Variants in SPRYD4 observed in about 807,000 individuals in gnomAD.
The protein encoded by SPRYD4 is SPRY domain containing 4.
SPRYD4 carries 12 observed loss-of-function variants against 16.6 expected under a neutral mutation model. The ratio of observed to expected loss-of-function variants is 0.72; its 90% CI spans 0.46 to 1.17. The LOEUF (loss-of-function observed/expected upper bound fraction) is 1.17. Among genes scored for constraint, SPRYD4 ranks in the 50% most tolerant of loss-of-function variants. SPRYD4 has a pLI of 0.00. For synonymous variants in SPRYD4, 98 were observed against 105.4 expected, an observed-to-expected ratio of 0.93 and a Z score of 0.43; for missense variants, 260 against 260.2, an observed-to-expected ratio of 1.00 and a Z score of 0.00.
Position 56,468,826 on chromosome 12 carries a change from G to C in SPRYD4, c.85+150G>C, listed in dbSNP as rs528742747. 31 of 1,051,236 alleles carry C rather than the reference G, an allele frequency of 2.9e-5. 1 individual carries two copies. In the South Asian group the frequency reaches 4.8e-4, roughly 16 times the overall value. 65.1% of individuals were successfully genotyped at this position (1,051,236 alleles called of 1,614,324 possible). On this transcript the variant is annotated intron_variant, in intron 1 of 1. Transcript: ENST00000338146. ...AGATTCCAAACCTGTGATACCATTT[G>C]GTTTCTTTAAATTCCGGGACTTACT...
chr12:56,475,925 T>C lies in SPRYD4; in HGVS notation c.*6348T>C, dbSNP rs368359918. On this transcript the variant is annotated 3_prime_UTR_variant, in exon 2 of 2. Coordinates refer to ENST00000338146, the MANE Select transcript of SPRYD4 (RefSeq NM_207344.4). ...GCCATGGCGAAATGCAGCCAGGGGC[T>C]AAGTAGCAAGGGAACTTACAAAATC... 1.5e-4 allele frequency: 237 copies of C among 1,613,760 alleles called. 1 individual carries two copies. In the African/African-American group the frequency reaches 2.7e-3, roughly 18 times the overall value.
Position 56,478,876 on chromosome 12 carries a change from C to T in SPRYD4, c.*9299C>T, listed in dbSNP as rs182475303. The T allele has an allele frequency of 3.5e-4, 251 of 712,980 alleles. 1 individual carries two copies. In the African/African-American group the frequency reaches 4.0e-3, roughly 11 times the overall value. The allele number at this position is 712,980 out of a possible 1,614,324, so 44.2% of individuals were successfully genotyped here. A position where few individuals can be genotyped will look rare whatever the true frequency, so the allele number is the denominator to read the frequency against. On this transcript the variant is annotated 3_prime_UTR_variant, in exon 2 of 2. Coordinates refer to ENST00000338146, the MANE Select transcript of SPRYD4 (RefSeq NM_207344.4). ...GGCATGGTGGTGTATGCCAGCTACT[C>T]GGGAGGCTGAGACAGGAGAATCGCT...
In SPRYD4 at chr12:56,471,357, C is replaced by T. The variant is rs1869241620; in HGVS notation, c.*1780C>T. ...TTTGACTCCCATAGAAAGCACTAGC[C>T]TAAGTCACCAAATGACTGCTTGGTC... On this transcript the variant is annotated 3_prime_UTR_variant, in exon 2 of 2. Transcript: ENST00000338146. The T allele has an allele frequency of 1.9e-5, 19 of 1,009,776 alleles. No homozygotes were observed. The Middle Eastern group carries it at 9.8e-4, about 52-fold the overall frequency. The allele number at this position is 1,009,776 out of a possible 1,614,324, so 62.6% of individuals were successfully genotyped here. A position where few individuals can be genotyped will look rare whatever the true frequency, so the allele number is the denominator to read the frequency against.
Position 56,475,499 on chromosome 12 carries a change from G to A in SPRYD4, c.*5922G>A. On this transcript the variant is annotated 3_prime_UTR_variant, in exon 2 of 2. Coordinates refer to ENST00000338146, the MANE Select transcript of SPRYD4 (RefSeq NM_207344.4). The stretch of plus-strand genomic sequence containing the variant: ...ATGAAGGGACTCAGAGGAAGCTGGA[G>A]GGCCAAAGTTCCCCTGGGATTTCTT... 4.1e-6 allele frequency: 4 copies of A among 970,316 alleles called. No homozygotes were observed. Among genetic ancestry groups the A allele is most frequent in the Admixed American group, 4.9e-5 (2 of 41,020 alleles). The allele number at this position is 970,316 out of a possible 1,614,324, so 60.1% of individuals were successfully genotyped here.
At position 56,469,037 on chromosome 12, in the gene SPRYD4, AG is replaced by A; in HGVS notation, c.86del. The A allele has an allele frequency of 6.4e-7, 1 of 1,555,872 alleles. No homozygotes were observed. On this transcript the variant is annotated splice_acceptor_variant, in intron 1 of 1. Transcript: ENST00000338146. LOFTEE classifies it high-confidence loss of function. Reference sequence around the variant, plus strand: ...TATCCCGTCTTTTTGCTCTGCCCGCAGGCGTCAGTTTCAAACTGGAAGAAAA... The same window carrying A: ...TATCCCGTCTTTTTGCTCTGCCCGCAGCGTCAGTTTCAAACTGGAAGAAAA...
chr12:56,474,609 G>A lies in SPRYD4; in HGVS notation c.*5032G>A, dbSNP rs1267174068. The A allele has an allele frequency of 5.0e-6, 8 of 1,614,046 alleles. No individual in the cohort carries two copies. The highest frequency in any genetic ancestry group is 1.7e-5 in the Admixed American group (1 of 60,002). ...GAATGCATGAGGCTGAGGGTGTTGC[G>A]CACTGCTTCAGCACTCAGCACACTC... On this transcript the variant is annotated 3_prime_UTR_variant, in exon 2 of 2. Coordinates refer to ENST00000338146, the MANE Select transcript of SPRYD4 (RefSeq NM_207344.4).
rs1312650468 is a variant in SPRYD4 at position 56,478,521 on chromosome 12, C to T, written c.*8944C>T. The T allele has an allele frequency of 6.3e-6, 3 of 473,968 alleles. No homozygotes were observed. Among genetic ancestry groups the T allele is most frequent in the Non-Finnish European group, 1.1e-5 (3 of 261,604 alleles). The allele number at this position is 473,968 out of a possible 1,614,324, so 29.4% of individuals were successfully genotyped here. ...AAAGGAGAATTCTGAGGCAACCTTCCCCTTTTGGTTCTTAGGCTCAGTTAC... is the reference window on the plus strand; with the variant it reads ...AAAGGAGAATTCTGAGGCAACCTTCTCCTTTTGGTTCTTAGGCTCAGTTAC... On this transcript the variant is annotated 3_prime_UTR_variant, in exon 2 of 2. Coordinates refer to ENST00000338146, the MANE Select transcript of SPRYD4 (RefSeq NM_207344.4).
rs1379452571 is a variant in SPRYD4, at chr12:56,470,429, ACT to A, written c.*856_*857del. The A allele has an allele frequency of 2.6e-5, 4 of 152,036 alleles. No homozygotes were observed. Among genetic ancestry groups the A allele is most frequent in the Non-Finnish European group, 4.4e-5 (3 of 68,070 alleles). 9.4% of individuals were successfully genotyped at this position (152,036 alleles called of 1,614,324 possible). A position where few individuals can be genotyped will look rare whatever the true frequency, so the allele number is the denominator to read the frequency against. ...AAACTCTGCCTTTTGGGTTCAAGCG[ACT>A]CTCGTGCCTCAGCCTCCTGAGTAGC... On this transcript the variant is annotated 3_prime_UTR_variant, in exon 2 of 2. Transcript: ENST00000338146.
chr12:56,468,971 T>A, intron 1 of SPRYD4, 68 bp from the exon 2 acceptor site: 2 of 1,502,194 alleles, frequency 1.3e-6, no homozygotes, highest in Non-Finnish European at 1.8e-6. Flanking sequence ...CTGCCTCATA[T>A]CTGAATATAT....
At position 56,479,305 on chromosome 12, in the gene SPRYD4, T is replaced by A; in HGVS notation, c.*9728T>A. 8.1e-7 allele frequency: 1 copy of A among 1,235,680 alleles called. No homozygotes were observed. Among genetic ancestry groups the A allele is most frequent in the Non-Finnish European group, 1.1e-6 (1 of 916,044 alleles). The allele number at this position is 1,235,680 out of a possible 1,614,324, so 76.5% of individuals were successfully genotyped here. On this transcript the variant is annotated 3_prime_UTR_variant, in exon 2 of 2. Transcript: ENST00000338146. ...TCAGGTTTGGGATCAACAGCTCTGT[T>A]ACCTTTGGCAAATCAGTTTACCTTT...
rs1391177421 is a variant in SPRYD4, at chr12:56,476,288, A to G, written c.*6711A>G. On this transcript the variant is annotated 3_prime_UTR_variant, in exon 2 of 2. Transcript: ENST00000338146. ...AGCGATCCTCCCACTTCAGCCTCCA[A>G]GTAGCTCGGATTACAGGCATGAGCC... The G allele has an allele frequency of 5.8e-6, 2 of 342,176 alleles. No individual in the cohort carries two copies. Among genetic ancestry groups the G allele is most frequent in the Non-Finnish European group, 1.1e-5 (2 of 182,780 alleles). The allele number at this position is 342,176 out of a possible 1,614,324, so 21.2% of individuals were successfully genotyped here.
chr12:56,472,944 G>C lies in SPRYD4; in HGVS notation c.*3367G>C, dbSNP rs1235018482. ...GCTCTGTCGTTCAGGCTGAAGTGTA[G>C]TGGCGCGCGGTCTTGGCTCACTGCA... On this transcript the variant is annotated 3_prime_UTR_variant, in exon 2 of 2. Coordinates refer to ENST00000338146, the MANE Select transcript of SPRYD4 (RefSeq NM_207344.4). The C allele has an allele frequency of 1.1e-5, 6 of 560,270 alleles. No individual in the cohort carries two copies. The highest frequency in any genetic ancestry group is 9.9e-5 in the African/African-American group (5 of 50,526). 34.7% of individuals were successfully genotyped at this position (560,270 alleles called of 1,614,324 possible). A position where few individuals can be genotyped will look rare whatever the true frequency, so the allele number is the denominator to read the frequency against.
In SPRYD4 at chr12:56,468,665, A is replaced by G. The variant is rs778917895; in HGVS notation, c.74A>G (p.Glu25Gly). 3.1e-6 allele frequency: 5 copies of G among 1,613,800 alleles called. No individual in the cohort carries two copies. In the African/African-American group the frequency reaches 6.7e-5, roughly 22 times the overall value. Residue 25 changes from glutamate to glycine, a missense_variant, in exon 1 of 2, where the codon GAG becomes GGG. Glu to Gly is a moderately conservative substitution (Grantham distance 98, BLOSUM62 -2). Coordinates refer to ENST00000338146, the MANE Select transcript of SPRYD4 (RefSeq NM_207344.4). ...AAACGATTGGGAGTTGCCTCCACAG[A>G]GGCCCAGAGAGGTAGGATTATCTCT... ...GAKRLGVASTEAQRGVSFKLE... is the reference protein window; with the variant it reads ...GAKRLGVASTGAQRGVSFKLE...
rs1047739698 is a variant in SPRYD4 at position 56,478,899 on chromosome 12, G to A, written c.*9322G>A. The A allele has an allele frequency of 2.2e-5, 20 of 896,384 alleles. 1 individual carries two copies. Among genetic ancestry groups the A allele is most frequent in the Admixed American group, 5.2e-5 (2 of 38,658 alleles). The allele number at this position is 896,384 out of a possible 1,614,324, so 55.5% of individuals were successfully genotyped here. On this transcript the variant is annotated 3_prime_UTR_variant, in exon 2 of 2. Coordinates refer to ENST00000338146, the MANE Select transcript of SPRYD4 (RefSeq NM_207344.4). ...CTCGGGAGGCTGAGACAGGAGAATCGCTTGAACCTGGGAGGTGGAGGTTGC... is the reference window on the plus strand; with the variant it reads ...CTCGGGAGGCTGAGACAGGAGAATCACTTGAACCTGGGAGGTGGAGGTTGC...
Position 56,479,630 on chromosome 12 carries a change from A to G in SPRYD4, c.*10053A>G. On this transcript the variant is annotated 3_prime_UTR_variant, in exon 2 of 2. Transcript: ENST00000338146. ...GTATTTCTATATTGTTTGAACTCTT[A>G]TGATGAGTATTCATGTATAACTTAT... 1.1e-6 allele frequency: 1 copy of G among 919,132 alleles called. No homozygotes were observed. The allele number at this position is 919,132 out of a possible 1,614,324, so 56.9% of individuals were successfully genotyped here.
In SPRYD4 at chr12:56,478,582, A is replaced by AT. The variant is rs1268067008; in HGVS notation, c.*9007dup. The AT allele has an allele frequency of 3.0e-6, 1 of 333,622 alleles. No homozygotes were observed. The highest frequency in any genetic ancestry group is 5.6e-6 in the Non-Finnish European group (1 of 178,166). The allele number at this position is 333,622 out of a possible 1,614,324, so 20.7% of individuals were successfully genotyped here. A position where few individuals can be genotyped will look rare whatever the true frequency, so the allele number is the denominator to read the frequency against. On this transcript the variant is annotated 3_prime_UTR_variant, in exon 2 of 2. Coordinates refer to ENST00000338146, the MANE Select transcript of SPRYD4 (RefSeq NM_207344.4). Reference sequence around the variant, plus strand: ...CCTTTGAAGGCTCTATTCGATCTTGATTCCCTCACCTGCTCTAGGAATCGT... The same window carrying AT: ...CCTTTGAAGGCTCTATTCGATCTTGATTTCCCTCACCTGCTCTAGGAATCGT...
Position 56,473,943 on chromosome 12 carries a change from TA to T in SPRYD4, c.*4369del. Reference sequence around the variant, plus strand: ...ATAAATAGTGAGAAGTAGGGTGCTGTAAATAGAGGTAGAGGGGGGCCACATG... The same window carrying T: ...ATAAATAGTGAGAAGTAGGGTGCTGTAATAGAGGTAGAGGGGGGCCACATG... On this transcript the variant is annotated 3_prime_UTR_variant, in exon 2 of 2. Coordinates refer to ENST00000338146, the MANE Select transcript of SPRYD4 (RefSeq NM_207344.4). The T allele has an allele frequency of 4.9e-6, 1 of 202,936 alleles. No individual in the cohort carries two copies. Among genetic ancestry groups the T allele is most frequent in the Non-Finnish European group, 1.0e-5 (1 of 100,024 alleles). The allele number at this position is 202,936 out of a possible 1,614,324, so 12.6% of individuals were successfully genotyped here. A position where few individuals can be genotyped will look rare whatever the true frequency, so the allele number is the denominator to read the frequency against.
In SPRYD4 at chr12:56,477,831, GC is replaced by G. The variant is rs905239999; in HGVS notation, c.*8255del. On this transcript the variant is annotated 3_prime_UTR_variant, in exon 2 of 2. Coordinates refer to ENST00000338146, the MANE Select transcript of SPRYD4 (RefSeq NM_207344.4). ...CTGCTAGGGAGAAAGGCATGACAGGGCTAATCAGGAAGGGCAGAGAAACAAA... is the reference window on the plus strand; with the variant it reads ...CTGCTAGGGAGAAAGGCATGACAGGGTAATCAGGAAGGGCAGAGAAACAAA... The G allele has an allele frequency of 1.1e-4, 170 of 1,539,594 alleles. 1 individual carries two copies. In the African/African-American group the frequency reaches 2.1e-3, roughly 19 times the overall value.
At position 56,473,462 on chromosome 12, in the gene SPRYD4, C is replaced by T; in HGVS notation, c.*3885C>T. 6.2e-7 allele frequency: 1 copy of T among 1,610,320 alleles called. No individual in the cohort carries two copies. Among genetic ancestry groups the T allele is most frequent in the Non-Finnish European group, 8.5e-7 (1 of 1,177,748 alleles). The stretch of plus-strand genomic sequence containing the variant: ...TAAGTACTATATGCAAAGCATCTCA[C>T]CTGGCAGAAGCTGGTCCCCCTATGG... On this transcript the variant is annotated 3_prime_UTR_variant, in exon 2 of 2. Coordinates refer to ENST00000338146, the MANE Select transcript of SPRYD4 (RefSeq NM_207344.4).
Sources: gnomAD v4.1 joint callset for allele counts on GRCh38, gnomAD v4.1.1 for gene constraint, MANE v1.5 for transcripts, NCBI Gene and HGNC (gene_info 2026-07-23, HGNC 2026-07-21) for gene names.